ENPEP: variants seen among roughly 807,000 people sequenced by gnomAD.
ENPEP encodes the protein glutamyl aminopeptidase, also known as AP-A.
In ENPEP, 103 loss-of-function variants were observed where a neutral mutation model predicts 114.5. The observed-to-expected ratio is 0.90, with a 90% CI of 0.77 to 1.06. The LOEUF is 1.06. ENPEP is among the 50% of genes least tolerant of loss of function. The probability of loss-of-function intolerance (pLI) is 0.00; values close to 1 mark genes in which losing one functional copy is unlikely to be tolerated. For synonymous variants in ENPEP, 420 were observed against 422.0 expected (o/e 1.00, Z 0.06); for missense variants, 1,196 against 1,161.3 (o/e 1.03, Z -0.43).
At chr4:110,556,846 T>G (rs1727490699) in intron 18 of ENPEP, among the ~76,000 whole-genome samples, 1 of 152,180 alleles carries the variant, frequency 6.6e-6, no homozygotes, top group Non-Finnish European at 1.5e-5. Context: ...TTCCATCCAG[T>G]AAATATTGTG....
intron 8 of ENPEP, chr4:110,515,897 AGG>A: frequency 7.0e-6 from 3 of 426,416 alleles, no homozygotes; most frequent in South Asian, 1.7e-5. Context: ...AGAGAGAGAG[AGG>A]GAGAGAGAGA....
rs1056152251 is a variant in ENPEP at position 110,549,735 on chromosome 4, C to T, written c.2350C>T (p.Leu784Phe). ...GTVSLPVNLR[L>F]LVYRYGMQNS... ...TTCTAGCCTTCCCGTAAATCTCAGG[C>T]TTCTGGTGTATCGGTATGGGATGCA... is the stretch of plus-strand genomic sequence containing the variant. Residue 784 changes from leucine to phenylalanine, a missense_variant, in exon 17 of 20, where the codon CTT becomes TTT. Leu to Phe is a conservative substitution (Grantham distance 22). Transcript: ENST00000265162. The T allele has an allele frequency of 5.6e-6, 9 of 1,612,958 alleles. No individual in the cohort carries two copies. The highest frequency in any genetic ancestry group is 1.7e-5 in the Admixed American group (1 of 59,810).
At chr4:110,495,257 T>C (rs889030278) in intron 3 of ENPEP, among the ~76,000 whole-genome samples, 11 of 152,180 alleles carry the variant, frequency 7.2e-5, no homozygotes, top group Non-Finnish European at 1.2e-4. Context: ...TATTGAAAAT[T>C]TGGAAAACGC....
At chr4:110,504,474 AC>A (rs1560556555) in intron 3 of ENPEP, among the ~76,000 whole-genome samples, 2 of 152,126 alleles carry the variant, frequency 1.3e-5, no homozygotes, top group Non-Finnish European at 1.5e-5. Context: ...AGCTGCTGCT[AC>A]TGGGAATGTT....
At chr4:110,492,151 A>G (rs940975866) in intron 3 of ENPEP, among the ~76,000 whole-genome samples, 1 of 152,198 alleles carries the variant, frequency 6.6e-6, no homozygotes, top group African/African-American at 2.4e-5. Context: ...CCTCTGTGCC[A>G]TATATGTCAT....
chr4:110,506,835 T>C, intron 4 of ENPEP, 78 bp downstream of exon 4: 8 of 1,202,536 alleles, frequency 6.7e-6, no homozygotes, highest in Non-Finnish European at 9.2e-6. Flanking sequence ...CTTCTAATTA[T>C]GTCACCATCA....
rs200498489 is a variant in ENPEP, at chr4:110,513,515, T to C, written c.1409T>C (p.Ile470Thr). ...IIVTVTTPDE[I>T]TSVFDGISYS... ...GTGACTGTGACAACCCCTGATGAAA[T>C]AACATCTGTTTTTGATGGAATATCC... The change falls in exon 7 of 20, where the codon ATA (isoleucine) becomes ACA (threonine). Residue 470 changes from isoleucine (I) to threonine (T), a missense_variant. Physicochemically the swap from Ile to Thr is moderately conservative, Grantham distance 89. Coordinates refer to ENST00000265162, the MANE Select transcript of ENPEP (RefSeq NM_001977.4). The C allele has an allele frequency of 6.2e-7, 1 of 1,613,418 alleles. No individual in the cohort carries two copies. The highest frequency in any genetic ancestry group is 8.5e-7 in the Non-Finnish European group (1 of 1,179,574).
chr4:110,543,699 T>G (rs890565011), intron 13 of ENPEP, among the ~76,000 whole-genome samples: 9 of 152,088 alleles, frequency 5.9e-5, no homozygotes, highest in African/African-American at 2.2e-4. Flanking sequence ...AAGCATTTAT[T>G]GAGTTCCTGG....
chr4:110,521,894 T>C (rs1471815986), intron 10 of ENPEP, among the ~76,000 whole-genome samples: 2 of 151,838 alleles, frequency 1.3e-5, no homozygotes, highest in Admixed American at 6.6e-5. Context: ...TTTTTTTTTT[T>C]TCGAGACAGA....
chr4:110,495,577 C>T (rs1410428027), intron 3 of ENPEP, among the ~76,000 whole-genome samples: 2 of 151,904 alleles, frequency 1.3e-5, no homozygotes, highest in Non-Finnish European at 1.5e-5. Context: ...AAAAATCAGC[C>T]GGGCGTGATG....
chr4:110,536,587 A>G (rs1049655344), intron 11 of ENPEP, among the ~76,000 whole-genome samples: 2 of 152,216 alleles, frequency 1.3e-5, no homozygotes, highest in African/African-American at 2.4e-5. Flanking sequence ...GTGGTAAACA[A>G]CTAGTAGGTC....
chr4:110,476,390 G>GT lies in ENPEP; in HGVS notation c.-24dup. ...AGTTAAATTTAACATCTTTTTATGT[G>GT]TAACACTTGACTTTGGAAGCAAAAA... is the stretch of plus-strand genomic sequence containing the variant. On this transcript the variant is annotated 5_prime_UTR_variant, in exon 1 of 20. An upstream open reading frame in the 5' UTR gains an earlier in-frame stop. Coordinates refer to ENST00000265162, the MANE Select transcript of ENPEP (RefSeq NM_001977.4). The GT allele has an allele frequency of 6.6e-7, 1 of 1,509,072 alleles. No individual in the cohort carries two copies. Among genetic ancestry groups the GT allele is most frequent in the Non-Finnish European group, 8.9e-7 (1 of 1,127,742 alleles). 93.5% of individuals were successfully genotyped at this position (1,509,072 alleles called of 1,614,324 possible).
At chr4:110,506,009 C>T (rs1269959689) in intron 3 of ENPEP, among the ~76,000 whole-genome samples, 1 of 152,100 alleles carries the variant, frequency 6.6e-6, no homozygotes, top group Non-Finnish European at 1.5e-5. Context: ...TGTAGCTTAC[C>T]AAGATGACTT....
intron 1 of ENPEP, among the ~76,000 whole-genome samples, chr4:110,480,765 G>A (rs1389394945): frequency 6.6e-6 from 1 of 152,196 alleles, no homozygotes; most frequent in African/African-American, 2.4e-5. Flanking sequence ...ATTCCACATT[G>A]TCTTTCTGGG....
chr4:110,534,442 A>C (rs1726528333), intron 11 of ENPEP, among the ~76,000 whole-genome samples: 1 of 146,734 alleles, frequency 6.8e-6, no homozygotes, highest in Non-Finnish European at 1.5e-5. Flanking sequence ...TAGTATTATT[A>C]CTTTATATTT....
Position 110,529,880 on chromosome 4 carries a change from C to G in ENPEP, c.1728-1318C>G, listed in dbSNP as rs145456208. Among the ~76,000 whole-genome samples, 707 of 151,916 alleles carry G rather than the reference C, an allele frequency of 4.7e-3. 16 individuals are homozygous for G. Among genetic ancestry groups the G allele is most frequent in the Admixed American group, 0.036 (543 of 15,226 alleles). On this transcript the variant is annotated intron_variant, in intron 10 of 19. Transcript: ENST00000265162. Reference sequence around the variant, plus strand: ...CCTGAGGTCAGGAGTTCGAGACCAACCTGGCCAACATAGTGAAACCCCGTC... The same window carrying G: ...CCTGAGGTCAGGAGTTCGAGACCAAGCTGGCCAACATAGTGAAACCCCGTC...
chr4:110,492,083 C>T (rs983399659), intron 3 of ENPEP, among the ~76,000 whole-genome samples: 4 of 151,918 alleles, frequency 2.6e-5, no homozygotes, highest in Non-Finnish European at 5.9e-5. Context: ...TTTGGAGGCC[C>T]CCATTTTGCT....
chr4:110,510,133 C>A (rs1725520163), intron 5 of ENPEP, 112 bp from the exon 6 acceptor site: 1 of 859,562 alleles, frequency 1.2e-6, no homozygotes, highest in Non-Finnish European at 1.9e-6. Context: ...ATGCCTGCCA[C>A]TTCTGTCACA....
rs1724682920 is a variant in ENPEP at position 110,490,909 on chromosome 4, C to T, written c.787-124C>T. The T allele has an allele frequency of 2.0e-5, 20 of 1,024,922 alleles. 1 individual carries two copies. In the South Asian group the frequency reaches 3.5e-4, roughly 18 times the overall value. 63.5% of individuals were successfully genotyped at this position (1,024,922 alleles called of 1,614,324 possible). Reference sequence around the variant, plus strand: ...TCAACATCACCACAAACAATTTGACCTCTAAGCTTTGACAAAGGACTTCTG... The same window carrying T: ...TCAACATCACCACAAACAATTTGACTTCTAAGCTTTGACAAAGGACTTCTG... On this transcript the variant is annotated intron_variant, in intron 2 of 19. Transcript: ENST00000265162.
Sources: allele counts gnomAD v4.1 joint callset (sites outside exome capture counted in the v4.1 genomes callset), GRCh38; gene constraint gnomAD v4.1.1; transcripts MANE v1.5; gene names NCBI Gene and HGNC (gene_info 2026-07-23, HGNC 2026-07-21).